Variants in FABP6 observed in about 807,000 individuals in gnomAD.
FABP6 encodes the protein gastrotropin.
A neutral mutation model predicts 14.9 loss-of-function variants in FABP6; 13 were observed. The ratio of observed to expected loss-of-function variants is 0.87; its 90% CI spans 0.57 to 1.39. FABP6 has a LOEUF of 1.39. FABP6 is among the 40% of genes most tolerant of loss of function. The pLI is 0.00. For synonymous variants in FABP6, 75 were observed against 63.6 expected (o/e 1.18, Z -0.85); for missense variants, 161 against 167.2 (o/e 0.96, Z 0.20).
chr5:160,232,360 A>C (rs930845441), intron 2 of FABP6, 87 bp downstream of exon 2: 1 of 1,380,134 alleles, frequency 7.2e-7, no homozygotes. Flanking sequence ...TCCCGAGCTG[A>C]GGCTTCTTTC....
At chr5:160,193,739 A>G (rs1759449761) in intron 1 of FABP6, among the ~76,000 whole-genome samples, 1 of 152,152 alleles carries the variant, frequency 6.6e-6, no homozygotes. Context: ...ACCTTGAGCT[A>G]GATAGAGAGT....
intron 1 of FABP6, among the ~76,000 whole-genome samples, chr5:160,187,807 C>A (rs904192659): frequency 6.6e-6 from 1 of 152,060 alleles, no homozygotes; most frequent in African/African-American, 2.4e-5. Context: ...GGCTGGAGTG[C>A]AATGGCGCTA....
At chr5:160,190,430 C>A (rs1266928505) in intron 1 of FABP6, among the ~76,000 whole-genome samples, 2 of 152,102 alleles carry the variant, frequency 1.3e-5, no homozygotes, top group African/African-American at 4.8e-5. Flanking sequence ...CGAGGTTTCT[C>A]CATGTTGGTC....
chr5:160,216,382 C>T (rs55818744), intron 3 of FABP6, among the ~76,000 whole-genome samples: 4,305 of 152,112 alleles, frequency 0.028, 87 homozygotes, highest in Non-Finnish European at 0.045. Context: ...ATTCTCCTGC[C>T]TCAGCCTCCT....
At chr5:160,223,208 C>G (rs956024253) in intron 3 of FABP6, among the ~76,000 whole-genome samples, 3 of 152,150 alleles carry the variant, frequency 2.0e-5, no homozygotes, top group African/African-American at 7.2e-5. Context: ...TGGTAATTCT[C>G]ACAGTATTCA....
At chr5:160,199,185 AT>A (rs1290431504) in intron 2 of FABP6, 1 of 1,613,452 alleles carries the variant, frequency 6.2e-7, no homozygotes, top group Non-Finnish European at 8.5e-7. Flanking sequence ...GAAATAAGTC[AT>A]TTGAGGCAAA....
At chr5:160,226,571 G>A (rs1005279536), upstream of FABP6, among the ~76,000 whole-genome samples, 2 of 152,020 alleles carry the variant, frequency 1.3e-5, no homozygotes, top group Non-Finnish European at 2.9e-5. Context: ...TATACACTGG[G>A]GCTCTGTGAC....
At chr5:160,197,627 T>A (rs1759535875) in intron 1 of FABP6, 1 of 152,284 alleles carries the variant, frequency 6.6e-6, no homozygotes. Flanking sequence ...GGGGCTGTCC[T>A]GTGCATCTCT....
chr5:160,237,415 A>G (rs1325127514), intron 3 of FABP6, among the ~76,000 whole-genome samples: 1 of 152,096 alleles, frequency 6.6e-6, no homozygotes, highest in Non-Finnish European at 1.5e-5. Flanking sequence ...ACATAAACAA[A>G]GTTGCATGAC....
chr5:160,211,373 G>A (rs1759887579), intron 2 of FABP6, among the ~76,000 whole-genome samples: 1 of 152,146 alleles, frequency 6.6e-6, no homozygotes, highest in Non-Finnish European at 1.5e-5. Flanking sequence ...TTTAGTAGCT[G>A]ATATTTATGA....
chr5:160,230,032 C>G (rs1023088199), intron 1 of FABP6, among the ~76,000 whole-genome samples: 6 of 85,506 alleles, frequency 7.0e-5, no homozygotes, highest in African/African-American at 2.6e-4. Flanking sequence ...CACCACCACG[C>G]CCGGCTAATT....
chr5:160,198,906 CACGTGT>C, intron 1 of FABP6: 2 of 587,374 alleles, frequency 3.4e-6, no homozygotes, highest in Non-Finnish European at 6.0e-6. Context: ...GCAGGGACCT[CACGTGT>C]TTCTTCTGTA....
intron 3 of FABP6, among the ~76,000 whole-genome samples, chr5:160,223,332 C>CCCTTCCTTCCATCCTTCCTTCCTT (rs1760168392): frequency 7.5e-5 from 7 of 93,370 alleles, no homozygotes; most frequent in Non-Finnish European, 9.8e-5. Context: ...TTTTTGCCCG[C>CCCTTCCTTCCATCCTTCCTTCCTT]CCTTCCTTCC....
intron 2 of FABP6, among the ~76,000 whole-genome samples, chr5:160,207,049 A>G (rs1321173310): frequency 6.6e-6 from 1 of 152,208 alleles, no homozygotes; most frequent in Non-Finnish European, 1.5e-5. Flanking sequence ...ATGAAAGTCA[A>G]TTTTTTTCCC....
At chr5:160,228,507 T>A (rs965943219), upstream of FABP6, 17 of 456,182 alleles carry the variant, frequency 3.7e-5, no homozygotes, top group Admixed American at 3.8e-4. Flanking sequence ...GCCGGAGTGA[T>A]CACGGAGGAG....
intron 2 of FABP6, among the ~76,000 whole-genome samples, chr5:160,205,623 A>G (rs1759746173): frequency 6.6e-6 from 1 of 152,240 alleles, no homozygotes; most frequent in Non-Finnish European, 1.5e-5. Context: ...CCTTTGGGCT[A>G]TGTGACCACG....
upstream of FABP6, chr5:160,228,425 C>T: frequency 2.2e-6 from 1 of 456,154 alleles, no homozygotes; most frequent in South Asian, 1.5e-5. Flanking sequence ...TCACGAGAGC[C>T]TTTGCAGAGT....
intron 2 of FABP6, 75 bp downstream of exon 2, chr5:160,232,348 G>A (rs1167101239): frequency 1.6e-5 from 22 of 1,414,564 alleles, no homozygotes; most frequent in South Asian, 3.0e-5. Flanking sequence ...TGGCCTCCCC[G>A]CTCCCGAGCT....
At chr5:160,226,940 C>T (rs1336950909), upstream of FABP6, among the ~76,000 whole-genome samples, 1 of 152,162 alleles carries the variant, frequency 6.6e-6, no homozygotes, top group Non-Finnish European at 1.5e-5. Flanking sequence ...AATTTCATGT[C>T]TGGGAATTCA....
Sources: gnomAD v4.1 joint callset for allele counts (sites outside exome capture counted in the v4.1 genomes callset) on GRCh38, gnomAD v4.1.1 for gene constraint, MANE v1.5 for transcripts, NCBI Gene and HGNC (gene_info 2026-07-23, HGNC 2026-07-21) for gene names.